Variants in CDH13 observed in about 807,000 individuals in gnomAD.
CDH13 encodes cadherin 13, also known as cadherin-13.
A neutral mutation model predicts 63.8 loss-of-function variants in CDH13; 24 were observed. That is an observed-to-expected ratio of 0.38 (90% confidence interval 0.27 to 0.53). The LOEUF (loss-of-function observed/expected upper bound fraction) is 0.53, where lower values mean the gene tolerates loss of function less well. Among genes scored for constraint, CDH13 ranks in the 20% least tolerant of loss-of-function variants. The pLI is 0.85. For synonymous variants in CDH13, 503 were observed against 355.3 expected, an observed-to-expected ratio of 1.42 and a Z score of -4.67; for missense variants, 1,049 against 903.1, an observed-to-expected ratio of 1.16 and a Z score of -2.07.
At chr16:83,272,706 C>G (rs2088862600) in intron 5 of CDH13, among the ~76,000 whole-genome samples, 1 of 152,082 alleles carries the variant, frequency 6.6e-6, no homozygotes, top group Non-Finnish European at 1.5e-5. Context: ...AAAAACTACT[C>G]CCAATTCATG....
intron 10 of CDH13, among the ~76,000 whole-genome samples, chr16:83,695,428 G>C (rs766508982): frequency 6.6e-6 from 1 of 152,190 alleles, no homozygotes; most frequent in Non-Finnish European, 1.5e-5. Flanking sequence ...ATCAAGAGTA[G>C]AAATGAGTTC....
intron 2 of CDH13, among the ~76,000 whole-genome samples, chr16:83,014,842 G>GTATATATA (rs369072006): frequency 5.6e-5 from 2 of 35,950 alleles, no homozygotes; most frequent in South Asian, 2.3e-3. Flanking sequence ...ATATATATTT[G>GTATATATA]TATATATATA....
intron 8 of CDH13, among the ~76,000 whole-genome samples, chr16:83,652,149 AG>A (rs1567483962): frequency 6.6e-6 from 1 of 152,228 alleles, no homozygotes; most frequent in African/African-American, 2.4e-5. Flanking sequence ...GTCGGGCCCA[AG>A]GGGTCTATTT....
chr16:82,857,845 C>G (rs539188965), intron 1 of CDH13, among the ~76,000 whole-genome samples: 2 of 141,166 alleles, frequency 1.4e-5, no homozygotes, highest in Non-Finnish European at 3.3e-5. Context: ...AGTTTCAGAC[C>G]TATGACTGTT....
intron 5 of CDH13, among the ~76,000 whole-genome samples, chr16:83,328,133 A>AAAAG (rs61341074): frequency 0.23 from 32,992 of 142,320 alleles, 3,906 homozygotes; most frequent in East Asian, 0.34. Context: ...CAAAAAAAAA[A>AAAAG]AAAAAGAAAA....
At chr16:82,776,039 C>G (rs1426096910) in intron 1 of CDH13, among the ~76,000 whole-genome samples, 2 of 152,108 alleles carry the variant, frequency 1.3e-5, no homozygotes, top group Non-Finnish European at 2.9e-5. Flanking sequence ...GCAAAACACT[C>G]TCTCTCCTAA....
At chr16:82,876,627 C>T (rs74032709) in intron 2 of CDH13, among the ~76,000 whole-genome samples, 4,684 of 152,190 alleles carry the variant, frequency 0.031, 220 homozygotes, top group African/African-American at 0.11. Context: ...GTCTGTGGAC[C>T]ACACATTTAG....
At chr16:82,809,218 A>G (rs897679214) in intron 1 of CDH13, among the ~76,000 whole-genome samples, 1 of 151,856 alleles carries the variant, frequency 6.6e-6, no homozygotes, top group Non-Finnish European at 1.5e-5. Flanking sequence ...GTGTCACCAT[A>G]TTTTAAACAT....
chr16:83,190,525 C>G (rs867330882), intron 4 of CDH13, among the ~76,000 whole-genome samples: 11 of 152,184 alleles, frequency 7.2e-5, no homozygotes, highest in Admixed American at 5.9e-4. Flanking sequence ...TGCCCCCATA[C>G]TGTTCTAGGT....
chr16:83,012,725 A>T lies in CDH13; in HGVS notation c.158-19285A>T, dbSNP rs565871899. Among the ~76,000 whole-genome samples the T allele has an allele frequency of 2.0e-4, 31 of 152,308 alleles. No homozygotes were observed. The East Asian group carries it at 2.5e-3, about 12-fold the overall frequency. ...TTAAATTATTCCTTTTGATACCGAA[A>T]TTATAGATACAGTTCCATTTGGCAC... On this transcript the variant is annotated intron_variant, in intron 2 of 13. Coordinates refer to ENST00000567109, the MANE Select transcript of CDH13 (RefSeq NM_001257.5).
intron 5 of CDH13, among the ~76,000 whole-genome samples, chr16:83,332,083 C>G (rs1309765339): frequency 2.0e-5 from 3 of 152,038 alleles, no homozygotes; most frequent in African/African-American, 7.2e-5. Context: ...CTGTCAAACA[C>G]TATGAACTTT....
chr16:82,831,331 T>G (rs2615126), intron 1 of CDH13, among the ~76,000 whole-genome samples: 66,686 of 151,908 alleles, frequency 0.44, 15,745 homozygotes, highest in East Asian at 0.9. Flanking sequence ...TCTGCTTTCA[T>G]CCAGAATCCT....
In CDH13 at chr16:82,741,844, C is replaced by G. The variant is rs200127695; in HGVS notation, c.45+114707C>G. 8.5e-5 allele frequency among the ~76,000 whole-genome samples: 13 copies of G among 152,192 alleles called. No homozygotes were observed. The East Asian group carries it at 1.5e-3, about 18-fold the overall frequency. On this transcript the variant is annotated intron_variant, in intron 1 of 13. Coordinates refer to ENST00000567109, the MANE Select transcript of CDH13 (RefSeq NM_001257.5). ...GATATCTGGCATTGCCAACTGGAGT[C>G]TAACTGACAACTTTCAGGGATTTTT...
At chr16:83,195,662 C>A (rs1177484178) in intron 4 of CDH13, among the ~76,000 whole-genome samples, 4 of 152,098 alleles carry the variant, frequency 2.6e-5, no homozygotes, top group African/African-American at 9.7e-5. Context: ...TTGGGGATTA[C>A]AATTCGACAT....
At chr16:82,756,300 G>T (rs367825502) in intron 1 of CDH13, among the ~76,000 whole-genome samples, 1 of 152,128 alleles carries the variant, frequency 6.6e-6, no homozygotes, top group Middle Eastern at 3.2e-3. Context: ...CAAGTGAAAA[G>T]TGATATCCTT....
intron 3 of CDH13, among the ~76,000 whole-genome samples, chr16:83,085,234 A>G (rs142703329): frequency 2.4e-3 from 366 of 152,122 alleles, no homozygotes; most frequent in African/African-American, 8.5e-3. Flanking sequence ...GAAAGAAGCA[A>G]AAGCAGAAAC....
chr16:83,077,854 A>G (rs1597286217), intron 3 of CDH13, among the ~76,000 whole-genome samples: 2 of 152,248 alleles, frequency 1.3e-5, no homozygotes, highest in African/African-American at 4.8e-5. Context: ...TTGCATCCTC[A>G]CAAACATTTG....
chr16:82,685,990 A>T (rs977950702), intron 1 of CDH13, among the ~76,000 whole-genome samples: 4 of 152,220 alleles, frequency 2.6e-5, no homozygotes, highest in Admixed American at 2.6e-4. Context: ...TAATTAAGGT[A>T]GGAAAGAGTA....
chr16:83,197,905 A>C (rs2038921215), intron 4 of CDH13, among the ~76,000 whole-genome samples: 1 of 152,122 alleles, frequency 6.6e-6, no homozygotes, highest in African/African-American at 2.4e-5. Flanking sequence ...CAATATTTTA[A>C]TTGTGACATT....
Sources: allele counts gnomAD v4.1 joint callset (sites outside exome capture counted in the v4.1 genomes callset), GRCh38; gene constraint gnomAD v4.1.1; transcripts MANE v1.5; gene names NCBI Gene and HGNC (gene_info 2026-07-23, HGNC 2026-07-21).